PWWP2A: variants seen among roughly 807,000 people sequenced by gnomAD.
PWWP2A encodes the protein PWWP domain-containing protein 2A.
In PWWP2A, 18 loss-of-function variants were observed where a neutral mutation model predicts 48.5. That is an observed-to-expected ratio of 0.37 (90% confidence interval 0.26 to 0.55). The LOEUF is 0.55. PWWP2A is among the 20% of genes least tolerant of loss of function. The pLI, the probability that PWWP2A is intolerant of heterozygous loss-of-function variation, is 0.81. For missense variants in PWWP2A, 867 were observed against 976.4 expected, an observed-to-expected ratio of 0.89 and a Z score of 1.49; for synonymous variants, 396 against 387.7, an observed-to-expected ratio of 1.02 and a Z score of -0.25.
Position 160,092,574 on chromosome 5 carries a change from A to G in PWWP2A, c.2076T>C (p.Arg692=), listed in dbSNP as rs1157318538. 4.4e-5 allele frequency: 68 copies of G among 1,551,570 alleles called. No individual in the cohort carries two copies. The East Asian group carries it at 1.6e-3, about 37-fold the overall frequency. Residue 692 remains arginine (R), a synonymous_variant, in exon 2 of 2, where the codon CGT becomes CGC. Coordinates refer to ENST00000307063, the MANE Select transcript of PWWP2A (RefSeq NM_001130864.2). ...DNGLLVRQEA[R]ISWFGSPTTS... is the part of the protein sequence containing the mutation. ...TTGTTGGAGACCCAAACCATGAAAT[A>G]CGGGCCTCCTGTCGGACTAAAAGGC...
intron 2 of PWWP2A, among the ~76,000 whole-genome samples, chr5:160,070,649 A>G (rs1753719589): frequency 6.6e-6 from 1 of 152,196 alleles, no homozygotes; most frequent in African/African-American, 2.4e-5. Flanking sequence ...AGACAGTGTT[A>G]TACCATGTCT....
rs70990703 is a variant in PWWP2A at position 160,104,122 on chromosome 5, C to CA, written c.585-10058dup. On this transcript the variant is annotated intron_variant, in intron 1 of 1. Transcript: ENST00000307063. ...TGGGCAACAGAGTGAGACTCTGTCT[C>CA]AAAAAAAAAAAAAAAAAAGAAATGA... Among the ~76,000 whole-genome samples the CA allele has an allele frequency of 8.6e-3, 529 of 61,698 alleles. 14 individuals are homozygous for CA. The highest frequency in any genetic ancestry group is 0.034 in the South Asian group (40 of 1,190). 40.5% of individuals were successfully genotyped at this position (61,698 alleles called of 152,430 possible).
intron 1 of PWWP2A, among the ~76,000 whole-genome samples, chr5:160,101,836 C>T (rs887728301): frequency 3.3e-5 from 5 of 151,472 alleles, no homozygotes; most frequent in African/African-American, 9.7e-5. Context: ...CGTGGCCGGC[C>T]ACTGGGGCTC....
At chr5:160,075,969 A>G (rs1193146439) in exon 4 of PWWP2A, 1 of 152,144 alleles carries the variant, frequency 6.6e-6, no homozygotes. Context: ...GATGAGAAAC[A>G]ATTTTTATCA....
intron 2 of PWWP2A, among the ~76,000 whole-genome samples, chr5:160,084,756 C>G (rs747005004): frequency 1.3e-5 from 2 of 152,092 alleles, no homozygotes; most frequent in Non-Finnish European, 2.9e-5. Context: ...AATGCTTAAA[C>G]TCACCTGCAT....
chr5:160,113,230 TTTC>T, intron 1 of PWWP2A: 8 of 982,736 alleles, frequency 8.1e-6, no homozygotes, highest in Non-Finnish European at 9.7e-6. Context: ...TTAGTACCAC[TTTC>T]TTTTCTTTCT....
chr5:160,086,281 G>T (rs1754631989), intron 2 of PWWP2A, among the ~76,000 whole-genome samples: 1 of 152,122 alleles, frequency 6.6e-6, no homozygotes, highest in Admixed American at 6.5e-5. Context: ...ACTTTGGGAG[G>T]CTGAGGCAGA....
At chr5:160,098,907 G>A (rs1320403947) in intron 1 of PWWP2A, among the ~76,000 whole-genome samples, 1 of 152,160 alleles carries the variant, frequency 6.6e-6, no homozygotes, top group East Asian at 1.9e-4. Context: ...CTGCACTCCA[G>A]CACTCCAGCC....
chr5:160,049,875 C>G, the PWWP2A span, among the ~76,000 whole-genome samples: 7 of 151,742 alleles, frequency 4.6e-5, no homozygotes, highest in Non-Finnish European at 1.0e-4. Context: ...GCCAGGAGCT[C>G]GAGACCAGCC....
chr5:160,095,947 C>G (rs1297621877), intron 1 of PWWP2A, among the ~76,000 whole-genome samples: 3 of 152,086 alleles, frequency 2.0e-5, no homozygotes, highest in Non-Finnish European at 4.4e-5. Context: ...CTCAGCCTCC[C>G]AAAGTGCTGG....
chr5:160,068,710 T>C (rs1299769646), intron 2 of PWWP2A, among the ~76,000 whole-genome samples: 1 of 152,156 alleles, frequency 6.6e-6, no homozygotes, highest in Non-Finnish European at 1.5e-5. Flanking sequence ...CATGAGCTCA[T>C]GGAAAGGGCC....
intron 1 of PWWP2A, among the ~76,000 whole-genome samples, chr5:160,100,064 G>A (rs1016515480): frequency 6.6e-6 from 1 of 151,788 alleles, no homozygotes; most frequent in Non-Finnish European, 1.5e-5. Context: ...ACTTTGGGAG[G>A]CCAAGGCAGG....
At chr5:160,081,239 C>CTTTTT (rs11410217) in intron 2 of PWWP2A, among the ~76,000 whole-genome samples, 6 of 133,746 alleles carry the variant, frequency 4.5e-5, no homozygotes, top group African/African-American at 1.1e-4. Context: ...CAATGACCCC[C>CTTTTT]TTTTTTTTTT....
chr5:160,046,616 ATTTATG>A, the PWWP2A span, among the ~76,000 whole-genome samples: 1 of 152,098 alleles, frequency 6.6e-6, no homozygotes, highest in Admixed American at 6.6e-5. Flanking sequence ...GTTATGTTAT[ATTTATG>A]TTTATGTTAT....
chr5:160,070,434 C>T (rs1460360677), intron 2 of PWWP2A, among the ~76,000 whole-genome samples: 2 of 152,118 alleles, frequency 1.3e-5, no homozygotes, highest in African/African-American at 4.8e-5. Flanking sequence ...GACCGAGCCA[C>T]CACACTCCAG....
downstream of PWWP2A, among the ~76,000 whole-genome samples, chr5:160,086,700 T>C (rs1289662398): frequency 6.6e-6 from 1 of 152,148 alleles, no homozygotes; most frequent in African/African-American, 2.4e-5. Context: ...GAGACCAGCA[T>C]GGCCAACATG....
chr5:160,065,359 A>G (rs572774800), intron 4 of PWWP2A: 1 of 528,892 alleles, frequency 1.9e-6, no homozygotes, highest in Non-Finnish European at 3.6e-6. Context: ...GACCTTCCTG[A>G]TCATACACAC....
At chr5:160,064,827 G>T in intron 4 of PWWP2A, 1 of 1,246,992 alleles carries the variant, frequency 8.0e-7, no homozygotes, top group Admixed American at 2.5e-5. Flanking sequence ...TAACTGCAAA[G>T]AGATACTTTT....
the PWWP2A span, among the ~76,000 whole-genome samples, chr5:160,050,679 G>C: frequency 6.8e-6 from 1 of 146,806 alleles, no homozygotes; most frequent in East Asian, 2.0e-4. Flanking sequence ...AGGCTGGAGA[G>C]CAGTGGCACA....
Sources: allele counts gnomAD v4.1 joint callset (sites outside exome capture counted in the v4.1 genomes callset), GRCh38; gene constraint gnomAD v4.1.1; transcripts MANE v1.5; gene names NCBI Gene and HGNC (gene_info 2026-07-23, HGNC 2026-07-21).